Variants in ABCA12 observed in about 807,000 individuals in gnomAD.
ABCA12 encodes glucosylceramide transporter ABCA12.
In ABCA12, 156 loss-of-function variants were observed where a neutral mutation model predicts 293.5. That is an observed-to-expected ratio of 0.53 (90% CI 0.47 to 0.61). ABCA12 has a LOEUF of 0.61. Ranked by LOEUF, ABCA12 falls within the 20% of genes least tolerant of loss-of-function variation. The pLI, the probability that ABCA12 is intolerant of heterozygous loss-of-function variation, is 0.00. For missense variants in ABCA12, 2,797 were observed against 3,090.2 expected (o/e 0.91, Z 2.25); for synonymous variants, 1,063 against 1,108.0 (o/e 0.96, Z 0.81).
chr2:215,090,635 A>G (rs1288856229), intron 2 of ABCA12, among the ~76,000 whole-genome samples: 2 of 151,794 alleles, frequency 1.3e-5, no homozygotes, highest in Admixed American at 6.6e-5. Flanking sequence ...GTATCTAATC[A>G]CTGTGGGGAT....
chr2:215,112,438 A>G (rs1487848574), intron 1 of ABCA12, among the ~76,000 whole-genome samples: 2 of 151,128 alleles, frequency 1.3e-5, no homozygotes, highest in Non-Finnish European at 2.9e-5. Flanking sequence ...GATGAAAAAT[A>G]GATGCTCAAA....
In ABCA12 at chr2:214,934,073, C is replaced by A. The variant is rs371879512; in HGVS notation, c.7680+5G>T. 105 of 1,613,064 alleles carry A rather than the reference C, an allele frequency of 6.5e-5. No individual in the cohort carries two copies. The African/African-American group carries it at 1.2e-3, about 19-fold the overall frequency. On this transcript the variant is annotated splice_donor_5th_base_variant and intron_variant, in intron 52 of 52. Transcript: ENST00000272895. The stretch of plus-strand genomic sequence containing the variant: ...TGTGCACATGGATCGTGGTATATAT[C>A]TTACCTCTTCCAGAGTGGTCTGACT...
chr2:215,045,346 CA>C (rs1284310989), intron 7 of ABCA12, among the ~76,000 whole-genome samples: 1 of 152,142 alleles, frequency 6.6e-6, no homozygotes, highest in African/African-American at 2.4e-5. Flanking sequence ...TTGGAAAGGT[CA>C]TTTCTAAGCT....
chr2:215,007,585 T>A, intron 19 of ABCA12, 142 bp downstream of exon 19: 1 of 1,074,972 alleles, frequency 9.3e-7, no homozygotes, highest in Non-Finnish European at 1.4e-6. Context: ...AGTTACCCTG[T>A]CTCAGACCTT....
rs1009271241 is a variant in ABCA12, at chr2:215,011,760, A to G, written c.2122-111T>C. 20 of 1,204,218 alleles carry G rather than the reference A, an allele frequency of 1.7e-5. No individual in the cohort carries two copies. In the African/African-American group the frequency reaches 3.1e-4, roughly 18 times the overall value. The allele number at this position is 1,204,218 out of a possible 1,614,324, so 74.6% of individuals were successfully genotyped here. A position where few individuals can be genotyped will look rare whatever the true frequency, so the allele number is the denominator to read the frequency against. On this transcript the variant is annotated intron_variant, in intron 16 of 52. Coordinates refer to ENST00000272895, the MANE Select transcript of ABCA12 (RefSeq NM_173076.3). The stretch of plus-strand genomic sequence containing the variant: ...CTTAGAGTATCCTTACAGTTTCCAT[A>G]ATTCCTTTTATATGTTTATTCCAAA...
intron 1 of ABCA12, among the ~76,000 whole-genome samples, chr2:215,133,872 T>C (rs909717506): frequency 2.0e-5 from 3 of 152,050 alleles, no homozygotes; most frequent in African/African-American, 4.8e-5. Context: ...AAAACTCAAC[T>C]CAGCAGCAAT....
At chr2:214,943,901 A>G (rs1417825212) in intron 49 of ABCA12, among the ~76,000 whole-genome samples, 1 of 152,232 alleles carries the variant, frequency 6.6e-6, no homozygotes, top group Non-Finnish European at 1.5e-5. Context: ...CTTGATAATA[A>G]GCAAATCTAA....
intron 29 of ABCA12, 104 bp downstream of exon 29, chr2:214,983,543 G>A (rs1699716643): frequency 2.0e-6 from 2 of 1,009,312 alleles, no homozygotes; most frequent in Non-Finnish European, 1.6e-6. Flanking sequence ...ATTATTTCGT[G>A]AGAAAATATT....
chr2:215,113,778 T>C (rs1049563141), intron 1 of ABCA12, among the ~76,000 whole-genome samples: 2 of 152,232 alleles, frequency 1.3e-5, no homozygotes, highest in African/African-American at 2.4e-5. Flanking sequence ...ATATAGGCAA[T>C]GAACCACAGT....
chr2:214,967,816 G>T (rs1027739780), intron 38 of ABCA12, among the ~76,000 whole-genome samples: 24 of 152,200 alleles, frequency 1.6e-4, no homozygotes, highest in African/African-American at 5.5e-4. Context: ...TCATGAAATG[G>T]ACATTAGTTC....
chr2:215,131,109 T>C (rs1333479400), intron 1 of ABCA12, among the ~76,000 whole-genome samples: 1 of 152,000 alleles, frequency 6.6e-6, no homozygotes, highest in Admixed American at 6.6e-5. Context: ...CATTTTTTCA[T>C]GTGCTGTTGT....
chr2:215,107,231 G>A (rs1413329982), intron 2 of ABCA12, among the ~76,000 whole-genome samples: 2 of 152,166 alleles, frequency 1.3e-5, no homozygotes, highest in Non-Finnish European at 2.9e-5. Flanking sequence ...GGGTATGTGT[G>A]TATTAAAGGG....
intron 1 of ABCA12, among the ~76,000 whole-genome samples, chr2:215,112,488 TTTTTTTTTG>T (rs1559201062): frequency 2.4e-5 from 2 of 84,830 alleles, no homozygotes; most frequent in African/African-American, 8.3e-5. Context: ...TTTTTTTTGT[TTTTTTTTTG>T]TTTTTTTTTG....
chr2:215,016,312 G>C (rs964875755), intron 14 of ABCA12, among the ~76,000 whole-genome samples: 1 of 150,748 alleles, frequency 6.6e-6, no homozygotes, highest in African/African-American at 2.4e-5. Context: ...GGCTGGGCGC[G>C]GTGGCTCACG....
chr2:215,008,985 A>AG (rs1361688633), intron 18 of ABCA12, among the ~76,000 whole-genome samples: 2 of 152,186 alleles, frequency 1.3e-5, no homozygotes, highest in African/African-American at 4.8e-5. Context: ...TATATATCCA[A>AG]GGGAATATAG....
chr2:215,040,894 T>C (rs1701086559), intron 7 of ABCA12, among the ~76,000 whole-genome samples: 1 of 150,856 alleles, frequency 6.6e-6, no homozygotes, highest in South Asian at 2.1e-4. Context: ...AAAGGGGGGG[T>C]GTGAATATAT....
At chr2:214,950,785 G>A in intron 45 of ABCA12, 94 bp downstream of exon 45, 4 of 1,365,392 alleles carry the variant, frequency 2.9e-6, no homozygotes, top group South Asian at 1.2e-5. Flanking sequence ...GATTACAGGT[G>A]TGAGCCACTG....
chr2:215,038,626 G>A (rs923450839), intron 7 of ABCA12, among the ~76,000 whole-genome samples: 1 of 152,094 alleles, frequency 6.6e-6, no homozygotes, highest in Non-Finnish European at 1.5e-5. Flanking sequence ...CTCAGGTGTT[G>A]GGTTACTTCC....
intron 8 of ABCA12, among the ~76,000 whole-genome samples, chr2:215,036,713 C>T (rs1701001891): frequency 6.6e-6 from 1 of 151,958 alleles, no homozygotes; most frequent in African/African-American, 2.4e-5. Context: ...CATAGTTTTA[C>T]AAGCTAACAG....
Sources: gnomAD v4.1 joint callset for allele counts (sites outside exome capture counted in the v4.1 genomes callset) on GRCh38, gnomAD v4.1.1 for gene constraint, MANE v1.5 for transcripts, NCBI Gene and HGNC (gene_info 2026-07-23, HGNC 2026-07-21) for gene names.